The following TDRD12 variants were observed in gnomAD, a reference collection of about 807,000 sequenced individuals.
TDRD12 encodes the protein putative ATP-dependent RNA helicase TDRD12.
TDRD12 carries 158 observed loss-of-function variants against 133.5 expected under a neutral mutation model. The ratio of observed to expected loss-of-function variants is 1.18; its 90% CI spans 1.04 to 1.35. The LOEUF (loss-of-function observed/expected upper bound fraction) is 1.35. Among genes scored for constraint, TDRD12 ranks in the 40% most tolerant of loss-of-function variants. The pLI is 0.00. For missense variants in TDRD12, 1,443 were observed against 1,321.3 expected (o/e 1.09, Z -1.43); for synonymous variants, 460 against 477.9 (o/e 0.96, Z 0.49).
intron 14 of TDRD12, among the ~76,000 whole-genome samples, chr19:32,795,349 A>G (rs1055414001): frequency 8.5e-4 from 129 of 152,018 alleles, no homozygotes; most frequent in African/African-American, 2.8e-3. Flanking sequence ...AAAAAAAAAA[A>G]AAAGAAAGAA....
exon 10 of TDRD12, chr19:32,827,351 C>G (rs1049405785): frequency 2.4e-6 from 1 of 408,266 alleles, no homozygotes; most frequent in African/African-American, 2.8e-5. Flanking sequence ...CAGTCATAAC[C>G]AAATCTTTTT....
At chr19:32,730,866 TTAACTGAGCATTGTGGCGCACGCTTGTAA>T (rs1158104737) in intron 1 of TDRD12, among the ~76,000 whole-genome samples, 1 of 152,046 alleles carries the variant, frequency 6.6e-6, no homozygotes, top group African/African-American at 2.4e-5. Flanking sequence ...AAATACAAAA[TTAACTGAGCATTGTGGCGCACGCTTGTAA>T]TCCCGGCTAC....
At chr19:32,719,970 A>G (rs1193938419) in exon 1 of TDRD12, 1 of 1,402,874 alleles carries the variant, frequency 7.1e-7, no homozygotes, top group Admixed American at 2.0e-5. Flanking sequence ...GAAGGAACGC[A>G]CTCGCGGCGG....
intron 11 of TDRD12, among the ~76,000 whole-genome samples, chr19:32,778,205 C>T (rs1970663548): frequency 6.6e-6 from 1 of 151,892 alleles, no homozygotes; most frequent in African/African-American, 2.4e-5. Flanking sequence ...TTCCCAGCTT[C>T]CCAGAGGCCA....
chr19:32,756,429 C>A (rs1425175049), intron 7 of TDRD12, among the ~76,000 whole-genome samples: 2 of 152,130 alleles, frequency 1.3e-5, no homozygotes, highest in Admixed American at 1.3e-4. Flanking sequence ...GGTCTGTAAC[C>A]CAGGCTGGAG....
chr19:32,754,541 T>G (rs1474389474), intron 6 of TDRD12, among the ~76,000 whole-genome samples: 2 of 151,284 alleles, frequency 1.3e-5, no homozygotes, highest in African/African-American at 4.8e-5. Context: ...GAGAGATCTA[T>G]CCTGTAAGGA....
rs1971338604 is a variant in TDRD12, at chr19:32,799,943, C to T, written c.1759-224C>T. The stretch of plus-strand genomic sequence containing the variant: ...TAGAGATGGGGTTTCACCATGTTGG[C>T]CAGGCTGGTCTTGAATTCCTGACCT... On this transcript the variant is annotated intron_variant, in intron 16 of 27. Coordinates refer to ENST00000444215, the Ensembl canonical transcript of TDRD12. 2.0e-5 allele frequency among the ~76,000 whole-genome samples: 3 copies of T among 151,730 alleles called. No homozygotes were observed. The South Asian group carries it at 6.3e-4, about 32-fold the overall frequency.
At chr19:32,722,344 T>C (rs1315195494) in intron 1 of TDRD12, among the ~76,000 whole-genome samples, 1 of 152,070 alleles carries the variant, frequency 6.6e-6, no homozygotes, top group Non-Finnish European at 1.5e-5. Flanking sequence ...TTCCTCTCAG[T>C]TGGGCCCAGG....
chr19:32,769,899 G>A (rs1439624135), intron 8 of TDRD12, among the ~76,000 whole-genome samples: 1 of 152,022 alleles, frequency 6.6e-6, no homozygotes, highest in Non-Finnish European at 1.5e-5. Context: ...GCCTCCCAAA[G>A]TGTTGGGATT....
chr19:32,740,957 A>G (rs566535526), intron 3 of TDRD12, among the ~76,000 whole-genome samples: 22 of 152,320 alleles, frequency 1.4e-4, no homozygotes, highest in African/African-American at 5.3e-4. Flanking sequence ...GTGTTTTGTG[A>G]TGACTTTTCC....
chr19:32,727,449 GCA>G (rs1599824258), intron 1 of TDRD12, among the ~76,000 whole-genome samples: 3 of 152,178 alleles, frequency 2.0e-5, no homozygotes, highest in South Asian at 2.1e-4. Context: ...GACTTTTGAT[GCA>G]CACAGTTTTT....
chr19:32,805,182 A>G (rs1599610148), intron 21 of TDRD12, among the ~76,000 whole-genome samples: 1 of 82,614 alleles, frequency 1.2e-5, no homozygotes, highest in East Asian at 3.3e-4. Context: ...TATATATAAC[A>G]TATATAATAT....
intron 6 of TDRD12, among the ~76,000 whole-genome samples, chr19:32,752,790 CTT>C (rs770183335): frequency 8.5e-5 from 11 of 130,096 alleles, no homozygotes; most frequent in Admixed American, 3.9e-4. Flanking sequence ...CCACTTCTTC[CTT>C]TTTTTTTTTT....
Position 32,765,597 on chromosome 19 carries a change from A to T in TDRD12, c.866-7156A>T, listed in dbSNP as rs191729352. Among the ~76,000 whole-genome samples the T allele has an allele frequency of 9.2e-3, 1,395 of 152,262 alleles. 21 individuals carry two copies. Among genetic ancestry groups the T allele is most frequent in the African/African-American group, 0.032 (1,314 of 41,540 alleles). ...GTTCAGGTGCTTTGTAGGGACATGGATGAAGCTGGAAACCATCATTCTCAG... is the reference window on the plus strand; with the variant it reads ...GTTCAGGTGCTTTGTAGGGACATGGTTGAAGCTGGAAACCATCATTCTCAG... On this transcript the variant is annotated intron_variant, in intron 8 of 27. Transcript: ENST00000444215.
downstream of TDRD12, among the ~76,000 whole-genome samples, chr19:32,823,661 G>A (rs902219560): frequency 2.6e-5 from 4 of 152,314 alleles, no homozygotes; most frequent in East Asian, 3.9e-4. Context: ...ACAGCGGGGG[G>A]CAGCTGGTTT....
chr19:32,823,220 C>T (rs1322373826), downstream of TDRD12, among the ~76,000 whole-genome samples: 2 of 152,200 alleles, frequency 1.3e-5, no homozygotes, highest in Non-Finnish European at 2.9e-5. Flanking sequence ...CAGGTTCATT[C>T]CTCATTGAGG....
intron 1 of TDRD12, among the ~76,000 whole-genome samples, chr19:32,730,883 C>T (rs1599830104): frequency 1.3e-5 from 2 of 152,044 alleles, no homozygotes; most frequent in Admixed American, 6.6e-5. Flanking sequence ...AGCATTGTGG[C>T]GCACGCTTGT....
intron 21 of TDRD12, among the ~76,000 whole-genome samples, chr19:32,803,608 T>A (rs944050247): frequency 3.9e-5 from 6 of 152,174 alleles, no homozygotes; most frequent in African/African-American, 1.4e-4. Flanking sequence ...TACGCATTTC[T>A]CTTGGGTAGA....
intron 5 of TDRD12, 116 bp from the exon 6 acceptor site, chr19:32,749,668 A>C (rs1009429889): frequency 2.8e-6 from 2 of 718,820 alleles, no homozygotes. Flanking sequence ...CTGCCCGAGG[A>C]AGACATTTGG....
Sources: allele counts gnomAD v4.1 joint callset (sites outside exome capture counted in the v4.1 genomes callset), GRCh38; gene constraint gnomAD v4.1.1; transcripts MANE v1.5; gene names NCBI Gene and HGNC (gene_info 2026-07-23, HGNC 2026-07-21).